NRXN1: variants seen among roughly 807,000 people sequenced by gnomAD.
The protein encoded by NRXN1 is neurexin-1.
NRXN1 carries 39 observed loss-of-function variants against 150.9 expected under a neutral mutation model. That is an observed-to-expected ratio of 0.26 (90% CI 0.20 to 0.34). The LOEUF is 0.34. Among genes scored for constraint, NRXN1 ranks in the 10% least tolerant of loss-of-function variants. The pLI, the probability that NRXN1 is intolerant of heterozygous loss-of-function variation, is 1.00. For synonymous variants in NRXN1, 924 were observed against 757.0 expected (o/e 1.22, Z -3.62); for missense variants, 1,815 against 1,949.9 (o/e 0.93, Z 1.30).
chr2:50,664,232 C>T (rs982358969), intron 5 of NRXN1, among the ~76,000 whole-genome samples: 2 of 151,930 alleles, frequency 1.3e-5, no homozygotes, highest in African/African-American at 4.8e-5. Context: ...CTTTCCTTCT[C>T]CCTCTTACAA....
Position 50,532,839 on chromosome 2 carries a change from T to C in NRXN1, c.2144-1409A>G, listed in dbSNP as rs142402041. Among the ~76,000 whole-genome samples, 24 of 152,172 alleles carry C rather than the reference T, an allele frequency of 1.6e-4. No homozygotes were observed. The East Asian group carries it at 4.6e-3, about 29-fold the overall frequency. On this transcript the variant is annotated intron_variant, in intron 10 of 22. Transcript: ENST00000401669. Reference sequence around the variant, plus strand: ...CTCCTTAATGTTAAGCACCATATGGTAGTGGAATATTGCAAAACAAGCGTG... The same window carrying C: ...CTCCTTAATGTTAAGCACCATATGGCAGTGGAATATTGCAAAACAAGCGTG...
intron 5 of NRXN1, among the ~76,000 whole-genome samples, chr2:50,800,410 C>T (rs957622528): frequency 2.5e-4 from 38 of 152,062 alleles, no homozygotes; most frequent in African/African-American, 8.9e-4. Context: ...TATTTTTGTA[C>T]TAATTTATCT....
chr2:50,425,532 G>A (rs994714687), intron 17 of NRXN1, among the ~76,000 whole-genome samples: 2 of 152,142 alleles, frequency 1.3e-5, no homozygotes, highest in African/African-American at 4.8e-5. Flanking sequence ...AGATGGAAGA[G>A]GTGGAACAGC....
At chr2:51,024,810 AAT>A (rs1432629204) in intron 2 of NRXN1, among the ~76,000 whole-genome samples, 1 of 152,166 alleles carries the variant, frequency 6.6e-6, no homozygotes, top group Non-Finnish European at 1.5e-5. Flanking sequence ...GAATTTGTTT[AAT>A]ATTTACTTGT....
At chr2:50,654,912 A>G (rs1251772635) in intron 5 of NRXN1, among the ~76,000 whole-genome samples, 1 of 152,084 alleles carries the variant, frequency 6.6e-6, no homozygotes, top group Non-Finnish European at 1.5e-5. Context: ...CGATGCTTAA[A>G]CCAAAATTAT....
At chr2:50,663,085 G>A (rs1220601968) in intron 5 of NRXN1, among the ~76,000 whole-genome samples, 4 of 152,058 alleles carry the variant, frequency 2.6e-5, no homozygotes, top group Non-Finnish European at 2.9e-5. Context: ...ATAGAGGCCA[G>A]AGAAGAAAAC....
At chr2:50,275,578 T>C (rs2070329721) in intron 17 of NRXN1, among the ~76,000 whole-genome samples, 1 of 152,122 alleles carries the variant, frequency 6.6e-6, no homozygotes, top group African/African-American at 2.4e-5. Context: ...CCTTGACTTT[T>C]ATTCGAAGAT....
At chr2:50,532,339 T>C (rs895472595) in intron 10 of NRXN1, among the ~76,000 whole-genome samples, 2 of 151,194 alleles carry the variant, frequency 1.3e-5, no homozygotes, top group African/African-American at 4.9e-5. Flanking sequence ...TCTGCCCTGA[T>C]AGAATTATTT....
At chr2:50,032,962 GC>G (rs1689406658) in intron 21 of NRXN1, among the ~76,000 whole-genome samples, 1 of 148,684 alleles carries the variant, frequency 6.7e-6, no homozygotes. Flanking sequence ...ACACACACAC[GC>G]CCCCATATTT....
At chr2:50,872,014 GAGA>G (rs932183754) in intron 5 of NRXN1, among the ~76,000 whole-genome samples, 2 of 151,792 alleles carry the variant, frequency 1.3e-5, no homozygotes, top group Admixed American at 6.6e-5. Flanking sequence ...GAAATATTTA[GAGA>G]AAGTGTAAGA....
At chr2:50,310,174 G>A (rs559293728) in intron 17 of NRXN1, among the ~76,000 whole-genome samples, 4 of 152,264 alleles carry the variant, frequency 2.6e-5, no homozygotes, top group Admixed American at 2.0e-4. Flanking sequence ...CAACATTTCA[G>A]GCAGCTTACA....
At chr2:50,434,042 C>CA (rs2085205203) in intron 17 of NRXN1, among the ~76,000 whole-genome samples, 1 of 90,834 alleles carries the variant, frequency 1.1e-5, no homozygotes, top group Non-Finnish European at 1.9e-5. Flanking sequence ...GTATCTAAGC[C>CA]ATTTTTTTTT....
chr2:50,250,869 C>G (rs2152897897), intron 17 of NRXN1, among the ~76,000 whole-genome samples: 1 of 150,742 alleles, frequency 6.6e-6, no homozygotes, highest in East Asian at 2.0e-4. Flanking sequence ...GTGCCATTTA[C>G]CTATGTAATA....
intron 2 of NRXN1, among the ~76,000 whole-genome samples, chr2:50,984,027 G>C (rs1190099875): frequency 4.0e-5 from 6 of 151,176 alleles, no homozygotes; most frequent in Non-Finnish European, 8.8e-5. Flanking sequence ...GAAGGCAGTA[G>C]CATGATCTCG....
chr2:50,310,021 A>G (rs1297852766), intron 17 of NRXN1, among the ~76,000 whole-genome samples: 1 of 152,164 alleles, frequency 6.6e-6, no homozygotes, highest in African/African-American at 2.4e-5. Context: ...TCAGTTCCAG[A>G]TGGTATATGT....
chr2:50,135,067 T>C (rs1375458663), intron 18 of NRXN1, among the ~76,000 whole-genome samples: 1 of 152,230 alleles, frequency 6.6e-6, no homozygotes, highest in Non-Finnish European at 1.5e-5. Context: ...GTGGCCTTTC[T>C]TGCACAGCTT....
chr2:50,748,167 C>A (rs1700213054), intron 5 of NRXN1, among the ~76,000 whole-genome samples: 1 of 152,140 alleles, frequency 6.6e-6, no homozygotes, highest in Non-Finnish European at 1.5e-5. Flanking sequence ...CTAGTAATAA[C>A]CCAACCAAGA....
chr2:50,056,794 G>A (rs1693712191), intron 19 of NRXN1, among the ~76,000 whole-genome samples: 1 of 152,174 alleles, frequency 6.6e-6, no homozygotes, highest in Non-Finnish European at 1.5e-5. Context: ...TGTGTAATTT[G>A]AAAAGCAATC....
rs141753747 is a variant in NRXN1, at chr2:51,000,351, C to G, written c.772+27151G>C. Among the ~76,000 whole-genome samples, 51 of 152,092 alleles carry G rather than the reference C, an allele frequency of 3.4e-4. 1 individual carries two copies. The highest frequency in any genetic ancestry group is 1.2e-3 in the African/African-American group (49 of 41,526). The stretch of plus-strand genomic sequence containing the variant: ...CATCAATTACATTATACATAACACT[C>G]CTATTGATTTCTTTATTATCTGCCT... On this transcript the variant is annotated intron_variant, in intron 2 of 22. Coordinates refer to ENST00000401669, the MANE Select transcript of NRXN1 (RefSeq NM_001330078.2).
Sources: gnomAD v4.1 joint callset for allele counts (sites outside exome capture counted in the v4.1 genomes callset) on GRCh38, gnomAD v4.1.1 for gene constraint, MANE v1.5 for transcripts, NCBI Gene and HGNC (gene_info 2026-07-23, HGNC 2026-07-21) for gene names.